The following TMEM135 variants were observed in gnomAD, a reference collection of about 807,000 sequenced individuals.
The protein encoded by TMEM135 is transmembrane protein 135, also known as peroxisomal membrane protein 52.
TMEM135 carries 30 observed loss-of-function variants against 60.3 expected under a neutral mutation model. The ratio of observed to expected loss-of-function variants is 0.50; its 90% CI spans 0.37 to 0.68. The LOEUF (loss-of-function observed/expected upper bound fraction) is 0.68. Ranked by LOEUF, TMEM135 falls within the 30% of genes least tolerant of loss-of-function variation. The pLI, the probability that TMEM135 is intolerant of heterozygous loss-of-function variation, is 0.00. For synonymous variants in TMEM135, 190 were observed against 186.7 expected, an observed-to-expected ratio of 1.02 and a Z score of -0.14; for missense variants, 468 against 548.8, an observed-to-expected ratio of 0.85 and a Z score of 1.47.
chr11:87,117,768 A>G (rs1857927144), intron 4 of TMEM135, among the ~76,000 whole-genome samples: 1 of 152,122 alleles, frequency 6.6e-6, no homozygotes, highest in African/African-American at 2.4e-5. Flanking sequence ...GTTAATGTTG[A>G]TATTTAGACC....
intron 7 of TMEM135, among the ~76,000 whole-genome samples, chr11:87,301,608 T>C (rs74611152): frequency 0.036 from 5,500 of 152,186 alleles, 93 homozygotes; most frequent in Admixed American, 0.046. Context: ...TATTTTACTA[T>C]ATTTTCGGAA....
At chr11:87,267,269 T>A (rs1472288495) in intron 6 of TMEM135, among the ~76,000 whole-genome samples, 1 of 152,128 alleles carries the variant, frequency 6.6e-6, no homozygotes, top group African/African-American at 2.4e-5. Flanking sequence ...ATGAAAAAAA[T>A]TATCATCTAT....
intron 5 of TMEM135, among the ~76,000 whole-genome samples, chr11:87,218,501 A>G (rs17149827): frequency 0.066 from 9,963 of 152,090 alleles, 348 homozygotes; most frequent in African/African-American, 0.087. Flanking sequence ...TTTAACATCT[A>G]CTATCTGTTA....
chr11:87,223,204 G>A (rs1248988180), intron 5 of TMEM135, among the ~76,000 whole-genome samples: 1 of 139,986 alleles, frequency 7.1e-6, no homozygotes, highest in Non-Finnish European at 1.5e-5. Context: ...TCGCACTTTC[G>A]CCCAGGCTGG....
chr11:87,138,916 T>C (rs1297020030), intron 4 of TMEM135, among the ~76,000 whole-genome samples: 1 of 152,210 alleles, frequency 6.6e-6, no homozygotes, highest in African/African-American at 2.4e-5. Context: ...GAATTTTGTA[T>C]GGAATGCAGG....
At chr11:87,275,555 T>C (rs1004537720) in intron 6 of TMEM135, among the ~76,000 whole-genome samples, 52 of 152,158 alleles carry the variant, frequency 3.4e-4, no homozygotes, top group Admixed American at 3.3e-3. Context: ...ACCTAAAATA[T>C]AGCCCACACA....
chr11:87,314,455 T>A lies in TMEM135; in HGVS notation c.1001-16T>A. The A allele has an allele frequency of 6.3e-7, 1 of 1,594,090 alleles. No individual in the cohort carries two copies. Among genetic ancestry groups the A allele is most frequent in the Non-Finnish European group, 8.6e-7 (1 of 1,163,040 alleles). Reference sequence around the variant, plus strand: ...ACTCTGCGATCTTATCAGTTATTTCTTATTTCTTGTTTCAGGATTTTTGGC... The same window carrying A: ...ACTCTGCGATCTTATCAGTTATTTCATATTTCTTGTTTCAGGATTTTTGGC... On this transcript the variant is annotated splice_polypyrimidine_tract_variant and intron_variant, in intron 11 of 14. Transcript: ENST00000305494.
At chr11:87,232,752 A>G (rs141022574) in intron 5 of TMEM135, among the ~76,000 whole-genome samples, 1 of 152,194 alleles carries the variant, frequency 6.6e-6, no homozygotes. Context: ...CTATGTGTTA[A>G]GTAGTATAAT....
intron 3 of TMEM135, among the ~76,000 whole-genome samples, chr11:87,079,854 T>G (rs1437810158): frequency 6.7e-6 from 1 of 148,242 alleles, no homozygotes; most frequent in African/African-American, 2.5e-5. Context: ...TTTTTTTTTT[T>G]TTTTTGAGAC....
chr11:87,113,064 G>A (rs911925216), intron 4 of TMEM135, among the ~76,000 whole-genome samples: 6 of 152,060 alleles, frequency 3.9e-5, no homozygotes, highest in Admixed American at 2.6e-4. Flanking sequence ...TGGCTTAAAT[G>A]TATAGGAAAA....
chr11:87,280,591 A>G (rs1039782312), intron 6 of TMEM135, among the ~76,000 whole-genome samples: 91 of 152,242 alleles, frequency 6.0e-4, no homozygotes, highest in African/African-American at 2.0e-3. Flanking sequence ...CCTTCATGAC[A>G]CCAAAATCAA....
At chr11:87,066,123 A>C (rs1260687492) in intron 1 of TMEM135, among the ~76,000 whole-genome samples, 1 of 152,192 alleles carries the variant, frequency 6.6e-6, no homozygotes, top group African/African-American at 2.4e-5. Context: ...GACTTTCGGA[A>C]AAGTATTATC....
intron 6 of TMEM135, among the ~76,000 whole-genome samples, chr11:87,257,764 G>C (rs1232342897): frequency 6.6e-6 from 1 of 151,988 alleles, no homozygotes; most frequent in African/African-American, 2.4e-5. Context: ...TTTTTTTTAG[G>C]GTTGATGAAA....
chr11:87,240,799 A>G (rs979378712), intron 6 of TMEM135, among the ~76,000 whole-genome samples: 3 of 152,156 alleles, frequency 2.0e-5, no homozygotes, highest in Non-Finnish European at 2.9e-5. Context: ...AACTCCTTCA[A>G]TCCCAACCTA....
chr11:87,206,159 A>G (rs1301787452), intron 5 of TMEM135, among the ~76,000 whole-genome samples: 1 of 152,194 alleles, frequency 6.6e-6, no homozygotes, highest in Non-Finnish European at 1.5e-5. Flanking sequence ...GATATGCATT[A>G]GTTTGAAAGG....
intron 5 of TMEM135, among the ~76,000 whole-genome samples, chr11:87,182,999 A>G (rs150719120): frequency 1.2e-3 from 179 of 152,178 alleles, no homozygotes; most frequent in Non-Finnish European, 2.3e-3. Context: ...TTCCAGGAGA[A>G]CATGTTTCCA....
chr11:87,056,696 C>A (rs11234936), intron 1 of TMEM135, among the ~76,000 whole-genome samples: 4 of 152,018 alleles, frequency 2.6e-5, no homozygotes, highest in Non-Finnish European at 4.4e-5. Context: ...CAAGTAGTTA[C>A]TGTTATCTGT....
chr11:87,282,424 C>T (rs1290198453), intron 6 of TMEM135, among the ~76,000 whole-genome samples: 6 of 152,096 alleles, frequency 3.9e-5, no homozygotes, highest in African/African-American at 1.4e-4. Flanking sequence ...GCCACCATGG[C>T]CGGCTAATTT....
intron 3 of TMEM135, among the ~76,000 whole-genome samples, chr11:87,088,851 A>C (rs1291566736): frequency 6.6e-6 from 1 of 152,200 alleles, no homozygotes; most frequent in Non-Finnish European, 1.5e-5. Flanking sequence ...CACAATTGTC[A>C]AAGAGATTTG....
Sources: allele counts gnomAD v4.1 joint callset (sites outside exome capture counted in the v4.1 genomes callset), GRCh38; gene constraint gnomAD v4.1.1; transcripts MANE v1.5; gene names NCBI Gene and HGNC (gene_info 2026-07-23, HGNC 2026-07-21).